Variants in PPP2R2A observed in about 807,000 individuals in gnomAD.
PPP2R2A encodes protein phosphatase 2 regulatory subunit Balpha, also known as serine/threonine-protein phosphatase 2A 55 kDa regulatory subunit B alpha isoform.
PPP2R2A carries 9 observed loss-of-function variants against 53.2 expected under a neutral mutation model. The observed-to-expected ratio is 0.17, with a 90% CI of 0.10 to 0.30. The LOEUF (loss-of-function observed/expected upper bound fraction) is 0.30. PPP2R2A is among the 10% of genes least tolerant of loss of function. The pLI is 1.00. For missense variants in PPP2R2A, 235 were observed against 534.6 expected (o/e 0.44, Z 5.53); for synonymous variants, 169 against 174.2 (o/e 0.97, Z 0.23).
chr8:26,339,823 A>G (rs1803856058), intron 3 of PPP2R2A: 1 of 152,072 alleles, frequency 6.6e-6, no homozygotes, highest in Non-Finnish European at 1.5e-5. Context: ...CATAACACAG[A>G]GTTAGGTTTT....
At chr8:26,348,134 TAAAC>T (rs1386454069) in intron 3 of PPP2R2A, among the ~76,000 whole-genome samples, 1 of 152,210 alleles carries the variant, frequency 6.6e-6, no homozygotes, top group East Asian at 1.9e-4. Context: ...TGAACATTAA[TAAAC>T]AGTAAGTTTT....
At chr8:26,305,560 A>C (rs1383913369) in intron 2 of PPP2R2A, among the ~76,000 whole-genome samples, 1 of 152,210 alleles carries the variant, frequency 6.6e-6, no homozygotes, top group Non-Finnish European at 1.5e-5. Context: ...ACACAGCCAC[A>C]AGTCAACAGG....
At chr8:26,356,479 T>TAA (rs766555893) in intron 4 of PPP2R2A, among the ~76,000 whole-genome samples, 15 of 152,230 alleles carry the variant, frequency 9.9e-5, no homozygotes, top group Non-Finnish European at 2.1e-4. Context: ...TTAAAGCCTG[T>TAA]AAATCACAGC....
intron 1 of PPP2R2A, chr8:26,292,187 ATT>A: frequency 8.9e-7 from 1 of 1,124,814 alleles, no homozygotes; most frequent in South Asian, 3.5e-5. Context: ...CCCCGCCTTT[ATT>A]TTTTTTTCCT....
rs558799005 is a variant in PPP2R2A, at chr8:26,370,506, G to C, written c.*93G>C. On this transcript the variant is annotated 3_prime_UTR_variant, in exon 10 of 10. Transcript: ENST00000380737. This position sits in a 1 kb window ranked among gnomAD's most constrained non-coding sequence, Gnocchi z 6.1. ...CTATAAAAGAGAGAGGTCCATTGTG[G>C]CGCCCCTTTCCAGTGTTTGACAGTG... The C allele has an allele frequency of 1.7e-5, 24 of 1,423,880 alleles. No individual in the cohort carries two copies. Among genetic ancestry groups the C allele is most frequent in the Non-Finnish European group, 2.1e-5 (22 of 1,039,308 alleles). The allele number at this position is 1,423,880 out of a possible 1,614,324, so 88.2% of individuals were successfully genotyped here. A position where few individuals can be genotyped will look rare whatever the true frequency, so the allele number is the denominator to read the frequency against.
chr8:26,326,383 A>G (rs1356669470), intron 2 of PPP2R2A, among the ~76,000 whole-genome samples: 1 of 152,234 alleles, frequency 6.6e-6, no homozygotes, highest in Non-Finnish European at 1.5e-5. Flanking sequence ...TCATTGGAAT[A>G]AAGTCTGTAA....
intron 2 of PPP2R2A, among the ~76,000 whole-genome samples, chr8:26,313,421 G>A (rs762852300): frequency 3.3e-5 from 5 of 152,222 alleles, no homozygotes; most frequent in Admixed American, 6.5e-5. Flanking sequence ...ACTGAGGTCC[G>A]CTAGGCTCTT....
At chr8:26,346,668 C>G (rs1209936253) in intron 3 of PPP2R2A, among the ~76,000 whole-genome samples, 1 of 152,186 alleles carries the variant, frequency 6.6e-6, no homozygotes, top group East Asian at 1.9e-4. Flanking sequence ...AAATATCTCT[C>G]TATAGCCTTT....
Position 26,371,473 on chromosome 8 carries a change from A to G in PPP2R2A, c.*1060A>G, listed in dbSNP as rs1328539650. On this transcript the variant is annotated 3_prime_UTR_variant, in exon 10 of 10. Coordinates refer to ENST00000380737, the MANE Select transcript of PPP2R2A (RefSeq NM_002717.4). ...ACCAAATTTGTAGAACTTAATTTCT[A>G]CTTTTTAGAGTGCTTAATTTCATTT... The G allele has an allele frequency of 6.6e-6, 1 of 151,502 alleles. No individual in the cohort carries two copies. Among genetic ancestry groups the G allele is most frequent in the Non-Finnish European group, 1.5e-5 (1 of 67,904 alleles). 9.4% of individuals were successfully genotyped at this position (151,502 alleles called of 1,614,324 possible).
chr8:26,365,525 A>G (rs1805326891), intron 8 of PPP2R2A: 1 of 152,200 alleles, frequency 6.6e-6, no homozygotes, highest in Non-Finnish European at 1.5e-5. Flanking sequence ...ATTTCTCCTT[A>G]AGTAGCTCCT....
chr8:26,351,594 T>C (rs1804518349), intron 3 of PPP2R2A, among the ~76,000 whole-genome samples: 1 of 152,328 alleles, frequency 6.6e-6, no homozygotes, highest in African/African-American at 2.4e-5. Context: ...ATATCTCTTA[T>C]TCATCTGTAA....
intron 2 of PPP2R2A, among the ~76,000 whole-genome samples, chr8:26,300,670 A>G (rs1012441213): frequency 6.6e-6 from 1 of 152,174 alleles, no homozygotes; most frequent in Non-Finnish European, 1.5e-5. Flanking sequence ...CCTGGCCAAT[A>G]TGGTGAAACA....
chr8:26,354,353 A>C lies in PPP2R2A; in HGVS notation c.181-115A>C, dbSNP rs1034710681. 2.6e-6 allele frequency: 2 copies of C among 769,854 alleles called. No homozygotes were observed. The highest frequency in any genetic ancestry group is 3.6e-5 in the African/African-American group (2 of 55,806). 47.7% of individuals were successfully genotyped at this position (769,854 alleles called of 1,614,324 possible). A position where few individuals can be genotyped will look rare whatever the true frequency, so the allele number is the denominator to read the frequency against. On this transcript the variant is annotated intron_variant, in intron 3 of 9. Transcript: ENST00000380737. This position sits in a 1 kb window ranked among gnomAD's most constrained non-coding sequence, Gnocchi z 4.6. ...ATAAAAAACAGAATGTAATTGTATA[A>C]AGACACAACTAATGGGGTATTGAGA...
intron 9 of PPP2R2A, among the ~76,000 whole-genome samples, chr8:26,367,115 TATG>T (rs1805415258): frequency 6.6e-6 from 1 of 152,224 alleles, no homozygotes; most frequent in Non-Finnish European, 1.5e-5. Context: ...CAGAGCTTAA[TATG>T]ATTCCGATTT....
intron 2 of PPP2R2A, among the ~76,000 whole-genome samples, chr8:26,317,392 C>T (rs537760734): frequency 6.6e-6 from 1 of 152,222 alleles, no homozygotes; most frequent in African/African-American, 2.4e-5. Flanking sequence ...TCTTTCTCTC[C>T]AGTTTGTGAG....
At chr8:26,341,928 A>G (rs73217712) in intron 3 of PPP2R2A, among the ~76,000 whole-genome samples, 5,982 of 152,198 alleles carry the variant, frequency 0.039, 178 homozygotes, top group South Asian at 0.12. Flanking sequence ...AGAAGTAGCT[A>G]GTCTCCTTCC....
chr8:26,331,867 AGT>A (rs1803395201), intron 2 of PPP2R2A, among the ~76,000 whole-genome samples: 2 of 152,188 alleles, frequency 1.3e-5, no homozygotes, highest in Non-Finnish European at 2.9e-5. Context: ...CTGGATTTTC[AGT>A]GTTGTTTATT....
intron 3 of PPP2R2A, among the ~76,000 whole-genome samples, chr8:26,344,391 A>T (rs939504162): frequency 2.6e-5 from 4 of 152,070 alleles, no homozygotes; most frequent in Non-Finnish European, 4.4e-5. Flanking sequence ...ATATTAAAAT[A>T]AAAAAAACTT....
At chr8:26,311,385 CT>C (rs1392642075) in intron 2 of PPP2R2A, among the ~76,000 whole-genome samples, 1 of 152,186 alleles carries the variant, frequency 6.6e-6, no homozygotes, top group Non-Finnish European at 1.5e-5. Context: ...ACATTAATGA[CT>C]AACATTTCAG....
Sources: gnomAD v4.1 joint callset for allele counts (sites outside exome capture counted in the v4.1 genomes callset) on GRCh38, gnomAD v4.1.1 for gene constraint, Gnocchi (gnomAD v3.1) non-coding constraint, MANE v1.5 for transcripts, NCBI Gene and HGNC (gene_info 2026-07-23, HGNC 2026-07-21) for gene names.